Variants in PHACTR4 observed in about 807,000 individuals in gnomAD.
The protein encoded by PHACTR4 is protein phosphatase 1, regulatory subunit 124.
Under a neutral mutation model 72.7 loss-of-function variants are expected in PHACTR4, and 51 were observed. That is an observed-to-expected ratio of 0.70 (90% CI 0.56 to 0.89). The LOEUF (loss-of-function observed/expected upper bound fraction) is 0.89. Among genes scored for constraint, PHACTR4 ranks in the 40% least tolerant of loss-of-function variants. PHACTR4 has a pLI of 0.00. For synonymous variants in PHACTR4, 255 were observed against 302.5 expected (o/e 0.84, Z 1.63); for missense variants, 731 against 861.8 (o/e 0.85, Z 1.90).
intron 1 of PHACTR4, among the ~76,000 whole-genome samples, chr1:28,392,357 A>G (rs910178978): frequency 6.6e-6 from 1 of 151,950 alleles, no homozygotes; most frequent in Non-Finnish European, 1.5e-5. Context: ...CCAAAGTGCA[A>G]GAGTAGTGAT....
intron 2 of PHACTR4, among the ~76,000 whole-genome samples, chr1:28,415,187 G>C (rs865923233): frequency 6.6e-6 from 1 of 151,938 alleles, no homozygotes; most frequent in South Asian, 2.1e-4. Context: ...CTTGAACCCG[G>C]GAGGCGGAGG....
intron 9 of PHACTR4, among the ~76,000 whole-genome samples, chr1:28,486,876 G>T (rs1660678026): frequency 6.6e-6 from 1 of 151,128 alleles, no homozygotes; most frequent in South Asian, 2.1e-4. Flanking sequence ...AAAACAGGAA[G>T]GTCCAGCTGG....
At chr1:28,396,230 CAG>C (rs1040917858) in intron 1 of PHACTR4, among the ~76,000 whole-genome samples, 52 of 151,714 alleles carry the variant, frequency 3.4e-4, no homozygotes, top group African/African-American at 1.2e-3. Context: ...AAATTGGTGA[CAG>C]ATAATAAAGA....
chr1:28,464,334 C>T (rs548803862), intron 4 of PHACTR4, among the ~76,000 whole-genome samples: 1 of 152,322 alleles, frequency 6.6e-6, no homozygotes, highest in South Asian at 2.1e-4. Flanking sequence ...GCCCCAAACA[C>T]GTTGAATAAC....
At chr1:28,455,702 A>G (rs2124458060) in intron 2 of PHACTR4, among the ~76,000 whole-genome samples, 1 of 152,320 alleles carries the variant, frequency 6.6e-6, no homozygotes, top group African/African-American at 2.4e-5. Context: ...GTATTTTGAA[A>G]AGGCAATTGG....
rs373715544 is a variant in PHACTR4 at position 28,466,435 on chromosome 1, C to T, written c.490C>T (p.Pro164Ser). ...SEAESVPENV[P>S]KPPLLPPKRP... ...AGCAGAGTCTGTTCCTGAGAATGTA[C>T]CCAAACCACCTTTACTTCCTCCCAA... is the stretch of plus-strand genomic sequence containing the variant. The change falls in exon 6 of 14, where the codon CCC becomes TCC. Residue 164 changes from proline to serine, a missense_variant. Coordinates refer to ENST00000373839, the MANE Select transcript of PHACTR4 (RefSeq NM_001048183.3). 9 of 1,614,086 alleles carry T rather than the reference C, an allele frequency of 5.6e-6. No individual in the cohort carries two copies. In the South Asian group the frequency reaches 7.7e-5, roughly 14 times the overall value.
chr1:28,487,537 A>AAAAG (rs1553205919), intron 9 of PHACTR4, among the ~76,000 whole-genome samples: 45 of 146,356 alleles, frequency 3.1e-4, no homozygotes, highest in African/African-American at 9.5e-4. Context: ...AAAAAAAAAA[A>AAAAG]GGAAGGTCTT....
intron 2 of PHACTR4, among the ~76,000 whole-genome samples, chr1:28,454,119 G>A (rs1570004578): frequency 6.6e-6 from 1 of 152,062 alleles, no homozygotes; most frequent in East Asian, 1.9e-4. Flanking sequence ...AGCTGCTCTG[G>A]AGACTGAGGC....
chr1:28,486,014 A>G (rs1660621747), intron 9 of PHACTR4, among the ~76,000 whole-genome samples: 1 of 151,902 alleles, frequency 6.6e-6, no homozygotes, highest in Admixed American at 6.6e-5. Flanking sequence ...AACACACACA[A>G]TAAGAGACCA....
intron 1 of PHACTR4, among the ~76,000 whole-genome samples, chr1:28,405,240 T>G (rs1329869231): frequency 6.6e-6 from 1 of 152,212 alleles, no homozygotes; most frequent in Non-Finnish European, 1.5e-5. Flanking sequence ...CCTTATCAGA[T>G]AGATGATTTG....
chr1:28,461,690 C>CT (rs149742762), intron 4 of PHACTR4, among the ~76,000 whole-genome samples: 14,859 of 150,452 alleles, frequency 0.099, 1,641 homozygotes, highest in African/African-American at 0.28. Context: ...CATGGGTGGG[C>CT]TTTTTTTTTG....
At chr1:28,447,530 C>T (rs1657574752) in intron 2 of PHACTR4, among the ~76,000 whole-genome samples, 1 of 151,796 alleles carries the variant, frequency 6.6e-6, no homozygotes, top group Admixed American at 6.6e-5. Context: ...GCTGGCATTA[C>T]AGGTGCCCAC....
intron 6 of PHACTR4, among the ~76,000 whole-genome samples, chr1:28,473,179 G>A (rs1213696806): frequency 5.3e-5 from 8 of 151,710 alleles, no homozygotes; most frequent in African/African-American, 1.9e-4. Context: ...GGTAGACTGA[G>A]GCAGGAGTAT....
chr1:28,412,069 T>A (rs1167621952), intron 2 of PHACTR4, among the ~76,000 whole-genome samples: 1 of 152,160 alleles, frequency 6.6e-6, no homozygotes, highest in African/African-American at 2.4e-5. Context: ...TATTTAAATA[T>A]CATGTTCGTT....
chr1:28,427,810 G>A (rs940765738), intron 2 of PHACTR4, among the ~76,000 whole-genome samples: 4 of 152,160 alleles, frequency 2.6e-5, no homozygotes, highest in African/African-American at 2.4e-5. Context: ...CACCTAGAAT[G>A]ATACCTGACA....
chr1:28,388,347 G>A (rs541903775), intron 1 of PHACTR4, among the ~76,000 whole-genome samples: 2 of 152,286 alleles, frequency 1.3e-5, no homozygotes, highest in East Asian at 3.9e-4. Flanking sequence ...GTAAAACAGC[G>A]TGGATCTGCC....
Position 28,426,612 on chromosome 1 carries a change from C to T in PHACTR4, c.16+19149C>T, listed in dbSNP as rs544376651. Among the ~76,000 whole-genome samples the T allele has an allele frequency of 5.3e-5, 8 of 151,226 alleles. No individual in the cohort carries two copies. The South Asian group carries it at 1.0e-3, about 20-fold the overall frequency. The stretch of plus-strand genomic sequence containing the variant: ...CCGGGAGGCGGAGCTTGCAGTGAGC[C>T]GAGATTGCACCACTGCACTCCAACC... On this transcript the variant is annotated intron_variant, in intron 2 of 13. Transcript: ENST00000373839.
At chr1:28,374,473 CCTTA>C (rs1428023956) in intron 1 of PHACTR4, among the ~76,000 whole-genome samples, 1 of 152,292 alleles carries the variant, frequency 6.6e-6, no homozygotes, top group South Asian at 2.1e-4. Flanking sequence ...ATTTCACCTC[CCTTA>C]CTTATTAGGT....
intron 2 of PHACTR4, among the ~76,000 whole-genome samples, chr1:28,446,246 A>C (rs61783857): frequency 2.6e-5 from 4 of 152,122 alleles, no homozygotes; most frequent in Admixed American, 6.5e-5. Context: ...TCTGTTATCA[A>C]ATTTGGACTA....
Sources: allele counts gnomAD v4.1 joint callset (sites outside exome capture counted in the v4.1 genomes callset), GRCh38; gene constraint gnomAD v4.1.1; transcripts MANE v1.5; gene names NCBI Gene and HGNC (gene_info 2026-07-23, HGNC 2026-07-21).